Variants in RAPGEF1 observed in about 807,000 individuals in gnomAD.
The protein encoded by RAPGEF1 is CRK SH3-binding GNRP.
RAPGEF1 carries 33 observed loss-of-function variants against 143.3 expected under a neutral mutation model. The ratio of observed to expected loss-of-function variants is 0.23; its 90% CI spans 0.17 to 0.31. The LOEUF (loss-of-function observed/expected upper bound fraction) is 0.31, where lower values mean the gene tolerates loss of function less well. Among genes scored for constraint, RAPGEF1 ranks in the 10% least tolerant of loss-of-function variants. The pLI is 1.00. For synonymous variants in RAPGEF1, 629 were observed against 676.5 expected (o/e 0.93, Z 1.09); for missense variants, 1,199 against 1,645.4 (o/e 0.73, Z 4.69).
rs999194381 is a variant in RAPGEF1, at chr9:131,676,502, G to A, written c.62-25553C>T. ...TTAACTTGGCTCCCAGCCCAACCAC[G>A]TCCTTTGATGGGTAGCAGATGCCAC... On this transcript the variant is annotated intron_variant, in intron 1 of 26. Coordinates refer to ENST00000683357, the MANE Select transcript of RAPGEF1 (RefSeq NM_001377935.1). Among the ~76,000 whole-genome samples, 21 of 152,322 alleles carry A rather than the reference G, an allele frequency of 1.4e-4. No individual in the cohort carries two copies. The East Asian group carries it at 2.9e-3, about 21-fold the overall frequency.
chr9:131,672,401 C>T (rs905683217), intron 1 of RAPGEF1, among the ~76,000 whole-genome samples: 6 of 152,310 alleles, frequency 3.9e-5, no homozygotes, highest in Admixed American at 2.6e-4. Context: ...CATCAGATGA[C>T]GGCATCAGTG....
intron 1 of RAPGEF1, among the ~76,000 whole-genome samples, chr9:131,732,957 C>T (rs2131345879): frequency 6.6e-6 from 1 of 152,186 alleles, no homozygotes; most frequent in Middle Eastern, 3.4e-3. Flanking sequence ...ATGAGTGAAA[C>T]ATCATTCTAC....
At chr9:131,668,639 A>G (rs1338100035) in intron 1 of RAPGEF1, among the ~76,000 whole-genome samples, 3 of 152,166 alleles carry the variant, frequency 2.0e-5, no homozygotes, top group Non-Finnish European at 4.4e-5. Context: ...GCCTGTCCCC[A>G]CGGTGGCCTA....
chr9:131,649,125 C>T (rs1033995133), intron 3 of RAPGEF1, among the ~76,000 whole-genome samples: 9 of 150,816 alleles, frequency 6.0e-5, no homozygotes, highest in African/African-American at 1.5e-4. Flanking sequence ...CTCTGCCGCC[C>T]GGGTTCAAGT....
rs541315585 is a variant in RAPGEF1, at chr9:131,630,270, C to T, written c.706G>A (p.Val236Met). ...KQGRPSPTSP[V>M]KPSSPASKPD... ...TTGCTGGCAGGGGAACTGGGCTTCA[C>T]GGGGCTCGTCGGAGACGGACGTCCC... Residue 236 changes from valine to methionine, a missense_variant, in exon 6 of 27, where the codon GTG becomes ATG. Transcript: ENST00000683357. The T allele has an allele frequency of 9.3e-6, 15 of 1,613,718 alleles. No homozygotes were observed. Among genetic ancestry groups the T allele is most frequent in the Admixed American group, 3.3e-5 (2 of 59,994 alleles).
intron 1 of RAPGEF1, chr9:131,737,285 T>C (rs1231686147): frequency 3.3e-6 from 5 of 1,525,742 alleles, no homozygotes; most frequent in Non-Finnish European, 4.5e-6. Flanking sequence ...CCTTCCCCTC[T>C]CTCCTCTTTC....
intron 1 of RAPGEF1, among the ~76,000 whole-genome samples, chr9:131,679,561 C>T (rs967484055): frequency 5.9e-5 from 9 of 152,162 alleles, no homozygotes; most frequent in Admixed American, 6.5e-5. Context: ...TTCGTATTGC[C>T]GCATAATGAA....
intron 1 of RAPGEF1, among the ~76,000 whole-genome samples, chr9:131,732,717 G>A (rs11243492): frequency 0.22 from 33,807 of 152,084 alleles, 4,323 homozygotes; most frequent in Non-Finnish European, 0.29. Flanking sequence ...AATAAGCTAC[G>A]TCTAAAGATA....
At chr9:131,727,799 C>T (rs1197252494) in intron 1 of RAPGEF1, among the ~76,000 whole-genome samples, 1 of 82,102 alleles carries the variant, frequency 1.2e-5, no homozygotes, top group Non-Finnish European at 2.6e-5. Flanking sequence ...ATAGAGAAAG[C>T]TCCTCATGAA....
At chr9:131,683,474 G>A (rs1833084287) in intron 1 of RAPGEF1, among the ~76,000 whole-genome samples, 1 of 152,176 alleles carries the variant, frequency 6.6e-6, no homozygotes, top group Admixed American at 6.5e-5. Flanking sequence ...ACAACCTATG[G>A]GAGCATTACA....
chr9:131,584,456 G>A lies in RAPGEF1; in HGVS notation c.3313-44C>T. Reference sequence around the variant, plus strand: ...TGCCGTGAGGCAGGAGGGCAGGCGGGTCCCGGGCTCCCAGAGCAGGGACTG... The same window carrying A: ...TGCCGTGAGGCAGGAGGGCAGGCGGATCCCGGGCTCCCAGAGCAGGGACTG... On this transcript the variant is annotated intron_variant, in intron 23 of 26. Transcript: ENST00000683357. This position sits in a 1 kb window ranked among gnomAD's most constrained non-coding sequence, Gnocchi z 6.8. The A allele has an allele frequency of 4.3e-6, 7 of 1,612,988 alleles. No homozygotes were observed. The highest frequency in any genetic ancestry group is 5.9e-6 in the Non-Finnish European group (7 of 1,178,934).
chr9:131,659,753 C>T (rs1028020986), intron 1 of RAPGEF1, among the ~76,000 whole-genome samples: 4 of 152,150 alleles, frequency 2.6e-5, no homozygotes, highest in Non-Finnish European at 5.9e-5. Flanking sequence ...AGGTCTCTGC[C>T]AACACTTAAA....
In RAPGEF1 at chr9:131,641,227, C is replaced by T. The variant is rs920209622; in HGVS notation, c.494+2012G>A. The stretch of plus-strand genomic sequence containing the variant: ...CAGGGGACGCTATCCTGGACTCTCC[C>T]AAAGAGGCTTAGCGCCTGAGGGTGC... On this transcript the variant is annotated intron_variant, in intron 4 of 26. Transcript: ENST00000683357. The surrounding 1 kb of genome is among the most constrained non-coding windows in gnomAD (Gnocchi z 4.6). Among the ~76,000 whole-genome samples the T allele has an allele frequency of 1.3e-5, 2 of 152,128 alleles. No individual in the cohort carries two copies. The highest frequency in any genetic ancestry group is 1.3e-4 in the Admixed American group (2 of 15,284).
chr9:131,625,793 A>G, intron 10 of RAPGEF1, 129 bp downstream of exon 10: 1 of 1,280,492 alleles, frequency 7.8e-7, no homozygotes, highest in Non-Finnish European at 1.1e-6. Flanking sequence ...GTGTCCACAT[A>G]CCTGGCTGGC....
rs149432966 is a variant in RAPGEF1 at position 131,621,771 on chromosome 9, A to T, written c.1905+25T>A. The stretch of plus-strand genomic sequence containing the variant: ...GAGACCTGCTAGGATCGGAAGTTCT[A>T]GTCACAAGGGAAGGTGTCACTCACC... On this transcript the variant is annotated intron_variant, in intron 11 of 26. Transcript: ENST00000683357. The surrounding 1 kb of genome is among the most constrained non-coding windows in gnomAD (Gnocchi z 4.5). 3.6e-5 allele frequency: 57 copies of T among 1,580,546 alleles called. No individual in the cohort carries two copies. The East Asian group carries it at 1.2e-3, about 33-fold the overall frequency.
At chr9:131,665,214 C>T (rs1830233516) in intron 1 of RAPGEF1, among the ~76,000 whole-genome samples, 1 of 152,212 alleles carries the variant, frequency 6.6e-6, no homozygotes, top group African/African-American at 2.4e-5. Context: ...GGCTCAAACA[C>T]AAGTCTAAAA....
chr9:131,627,359 C>T (rs1324842466), intron 9 of RAPGEF1, among the ~76,000 whole-genome samples: 1 of 151,888 alleles, frequency 6.6e-6, no homozygotes, highest in Non-Finnish European at 1.5e-5. Context: ...CATCTGATTT[C>T]CTACCAATGA....
At chr9:131,657,595 T>G (rs1455401083) in intron 1 of RAPGEF1, among the ~76,000 whole-genome samples, 2 of 150,414 alleles carry the variant, frequency 1.3e-5, no homozygotes, top group African/African-American at 4.9e-5. Flanking sequence ...GGCCGGTACC[T>G]GAACTGTCTA....
chr9:131,669,671 G>C (rs185813469), intron 1 of RAPGEF1, among the ~76,000 whole-genome samples: 50 of 152,262 alleles, frequency 3.3e-4, no homozygotes, highest in Non-Finnish European at 3.7e-4. Context: ...GCATGCAGAG[G>C]GCTGGGATAG....
Sources: allele counts gnomAD v4.1 joint callset (sites outside exome capture counted in the v4.1 genomes callset), GRCh38; gene constraint gnomAD v4.1.1; non-coding constraint Gnocchi (gnomAD v3.1); transcripts MANE v1.5; gene names NCBI Gene and HGNC (gene_info 2026-07-23, HGNC 2026-07-21).